SYT16: variants seen among roughly 807,000 people sequenced by gnomAD.
The protein encoded by SYT16 is synaptotagmin 16.
A neutral mutation model predicts 61.4 loss-of-function variants in SYT16; 42 were observed. The observed-to-expected ratio is 0.68, with a 90% CI of 0.53 to 0.89. The LOEUF (loss-of-function observed/expected upper bound fraction) is 0.89. Among genes scored for constraint, SYT16 ranks in the 40% least tolerant of loss-of-function variants. The pLI is 0.00. For missense variants in SYT16, 804 were observed against 807.3 expected, an observed-to-expected ratio of 1.00 and a Z score of 0.05; for synonymous variants, 314 against 302.3, an observed-to-expected ratio of 1.04 and a Z score of -0.40.
chr14:62,061,478 C>A (rs1566809743), intron 3 of SYT16, among the ~76,000 whole-genome samples: 1 of 151,938 alleles, frequency 6.6e-6, no homozygotes, highest in Non-Finnish European at 1.5e-5. Context: ...GAAAGCAAGA[C>A]CCAACTGTAT....
chr14:61,899,192 G>C (rs527670577), intron 1 of SYT16, among the ~76,000 whole-genome samples: 1 of 152,158 alleles, frequency 6.6e-6, no homozygotes, highest in Non-Finnish European at 1.5e-5. Context: ...CACAGGTACA[G>C]TAATTAGCTT....
At chr14:61,854,039 C>T (rs1299410408) in intron 1 of SYT16, among the ~76,000 whole-genome samples, 4 of 152,198 alleles carry the variant, frequency 2.6e-5, no homozygotes, top group East Asian at 1.9e-4. Flanking sequence ...TTTAAATATG[C>T]TCAGAACACT....
At chr14:61,845,084 G>C (rs779900601) in intron 1 of SYT16, among the ~76,000 whole-genome samples, 11 of 118,458 alleles carry the variant, frequency 9.3e-5, no homozygotes, top group Non-Finnish European at 1.3e-4. Context: ...GTCTCACACT[G>C]TCACCCCAGC....
intron 5 of SYT16, among the ~76,000 whole-genome samples, chr14:62,080,121 C>T (rs1413743945): frequency 6.6e-6 from 1 of 152,156 alleles, no homozygotes; most frequent in Non-Finnish European, 1.5e-5. Context: ...GTTCTGGCTC[C>T]AGGCTCAGTG....
chr14:61,897,844 T>C (rs891333578), intron 1 of SYT16, among the ~76,000 whole-genome samples: 1 of 152,140 alleles, frequency 6.6e-6, no homozygotes, highest in Non-Finnish European at 1.5e-5. Context: ...CTGAATCCCC[T>C]GCCCTCTGGA....
At chr14:62,067,104 ATG>A (rs34755658) in intron 3 of SYT16, among the ~76,000 whole-genome samples, 15 of 150,582 alleles carry the variant, frequency 1.0e-4, no homozygotes, top group Admixed American at 3.3e-4. Flanking sequence ...GTGTGTGTGC[ATG>A]TGTGTGTGTG....
At chr14:61,887,981 C>T (rs376191746) in intron 1 of SYT16, among the ~76,000 whole-genome samples, 3 of 152,146 alleles carry the variant, frequency 2.0e-5, no homozygotes, top group African/African-American at 4.8e-5. Context: ...TAGCTTTTAC[C>T]GTCTTGGCTT....
intron 1 of SYT16, among the ~76,000 whole-genome samples, chr14:61,874,635 A>G (rs2047430465): frequency 6.6e-6 from 1 of 152,234 alleles, no homozygotes; most frequent in African/African-American, 2.4e-5. Flanking sequence ...GTTAGAGTCC[A>G]TCCAGATGAG....
intron 1 of SYT16, among the ~76,000 whole-genome samples, chr14:61,936,917 C>G (rs1353629896): frequency 6.6e-6 from 1 of 152,146 alleles, no homozygotes; most frequent in African/African-American, 2.4e-5. Context: ...CAAGGGGTAC[C>G]CGTGCATCCT....
chr14:62,096,996 G>A (rs2057294451), intron 7 of SYT16, among the ~76,000 whole-genome samples: 1 of 152,062 alleles, frequency 6.6e-6, no homozygotes, highest in South Asian at 2.1e-4. Flanking sequence ...GAGATTCATA[G>A]TTCCTCTGAC....
intron 1 of SYT16, among the ~76,000 whole-genome samples, chr14:61,878,385 G>C (rs1205840269): frequency 1.3e-5 from 2 of 152,208 alleles, no homozygotes. Flanking sequence ...AGAGAGCTGA[G>C]AAGTAGACTT....
At chr14:61,925,482 A>G (rs1645267464) in intron 1 of SYT16, among the ~76,000 whole-genome samples, 1 of 152,242 alleles carries the variant, frequency 6.6e-6, no homozygotes, top group African/African-American at 2.4e-5. Flanking sequence ...TTATATTCTT[A>G]GCATTAAAAT....
intron 3 of SYT16, among the ~76,000 whole-genome samples, chr14:61,999,861 A>G (rs2052922212): frequency 1.3e-5 from 2 of 151,658 alleles, no homozygotes; most frequent in South Asian, 4.1e-4. Flanking sequence ...GGAATATTCT[A>G]TATATTTTTC....
chr14:61,945,047 AAAC>A (rs1177385392), intron 1 of SYT16, among the ~76,000 whole-genome samples: 1 of 152,150 alleles, frequency 6.6e-6, no homozygotes, highest in Non-Finnish European at 1.5e-5. Context: ...ACAAGAAAAA[AAAC>A]AACCCCATCA....
chr14:61,996,501 AGCTCCC>A lies in SYT16; in HGVS notation c.483_488del (p.Gln161_Pro163delinsHis). On this transcript the variant is annotated inframe_deletion, in exon 3 of 8. Coordinates refer to ENST00000683842, the MANE Select transcript of SYT16 (RefSeq NM_001367656.1). ...GGCCTTCAACATGGCTTTGACAGCCAGCTCCCTGGTACTTTAGAAACTGTTAATGGA... is the reference window on the plus strand; with the variant it reads ...GGCCTTCAACATGGCTTTGACAGCCATGGTACTTTAGAAACTGTTAATGGA... 1 of 1,612,490 alleles carries A rather than the reference AGCTCCC, an allele frequency of 6.2e-7. No individual in the cohort carries two copies. Among genetic ancestry groups the A allele is most frequent in the Non-Finnish European group, 8.5e-7 (1 of 1,179,192 alleles).
rs1004255312 is a variant in SYT16, at chr14:61,833,265, C to T, written c.-325+20455C>T. The stretch of plus-strand genomic sequence containing the variant: ...GTGCAAGTCCTAGATTTCTATTTCT[C>T]ATGGCTCATGGGTGGCTTTTTTTTC... On this transcript the variant is annotated intron_variant, in intron 1 of 7. Coordinates refer to ENST00000683842, the MANE Select transcript of SYT16 (RefSeq NM_001367656.1). Among the ~76,000 whole-genome samples, 5 of 151,268 alleles carry T rather than the reference C, an allele frequency of 3.3e-5. No homozygotes were observed. The South Asian group carries it at 8.3e-4, about 25-fold the overall frequency.
At chr14:61,954,180 C>G (rs1406050386) in intron 1 of SYT16, among the ~76,000 whole-genome samples, 1 of 152,100 alleles carries the variant, frequency 6.6e-6, no homozygotes, top group Non-Finnish European at 1.5e-5. Flanking sequence ...CCTTTACTTT[C>G]TAATTGTTCA....
intron 2 of SYT16, among the ~76,000 whole-genome samples, chr14:61,984,207 T>C (rs2052207469): frequency 1.3e-5 from 2 of 152,342 alleles, no homozygotes; most frequent in South Asian, 4.1e-4. Context: ...CTATACTCAG[T>C]GCTTCTTTAG....
chr14:62,069,013 C>G (rs889688677), intron 3 of SYT16, among the ~76,000 whole-genome samples: 16 of 152,158 alleles, frequency 1.1e-4, no homozygotes, highest in African/African-American at 3.9e-4. Flanking sequence ...CCAGGCTGGT[C>G]TGGAACTCCT....
Sources: gnomAD v4.1 joint callset for allele counts (sites outside exome capture counted in the v4.1 genomes callset) on GRCh38, gnomAD v4.1.1 for gene constraint, MANE v1.5 for transcripts, NCBI Gene and HGNC (gene_info 2026-07-23, HGNC 2026-07-21) for gene names.